The following FAM222B variants were observed in gnomAD, a reference collection of about 807,000 sequenced individuals.
FAM222B encodes the protein protein FAM222B.
FAM222B carries 12 observed loss-of-function variants against 38.0 expected under a neutral mutation model. The ratio of observed to expected loss-of-function variants is 0.32; its 90% CI spans 0.20 to 0.51. The LOEUF (loss-of-function observed/expected upper bound fraction) is 0.51. FAM222B is among the 20% of genes least tolerant of loss of function. The probability of loss-of-function intolerance (pLI) is 0.97; values close to 1 mark genes in which losing one functional copy is unlikely to be tolerated. For synonymous variants in FAM222B, 329 were observed against 317.2 expected (o/e 1.04, Z -0.40); for missense variants, 716 against 754.2 (o/e 0.95, Z 0.59).
intron 1 of FAM222B, among the ~76,000 whole-genome samples, chr17:28,768,288 G>C (rs940070149): frequency 9.2e-5 from 14 of 152,162 alleles, no homozygotes; most frequent in Non-Finnish European, 1.5e-4. Context: ...GCTCTCTCAG[G>C]TATATTAAAC....
At chr17:28,809,119 C>T (rs1373136397) in intron 1 of FAM222B, among the ~76,000 whole-genome samples, 3 of 152,064 alleles carry the variant, frequency 2.0e-5, no homozygotes, top group Admixed American at 6.6e-5. Context: ...TGTGGAAGGC[C>T]GAGGCAGGTG....
In FAM222B at chr17:28,814,939, A is replaced by C. The variant is rs1365756338; in HGVS notation, c.-41+27743T>G. On this transcript the variant is annotated intron_variant, in intron 1 of 2. Coordinates refer to ENST00000581407, the MANE Select transcript of FAM222B (RefSeq NM_001077498.3). Reference sequence around the variant, plus strand: ...CAGGCACGAGCCACCGTGCCCGGCTAATTTTTGTATTTTTAGTAGAAACGG... The same window carrying C: ...CAGGCACGAGCCACCGTGCCCGGCTCATTTTTGTATTTTTAGTAGAAACGG... Among the ~76,000 whole-genome samples, 5 of 148,276 alleles carry C rather than the reference A, an allele frequency of 3.4e-5. No homozygotes were observed. In the East Asian group the frequency reaches 8.1e-4, roughly 24 times the overall value.
At chr17:28,792,319 A>G (rs911306459) in intron 1 of FAM222B, among the ~76,000 whole-genome samples, 78 of 151,464 alleles carry the variant, frequency 5.1e-4, no homozygotes, top group Non-Finnish European at 9.0e-4. Flanking sequence ...CTCAAAAAAA[A>G]AAAAAAAAAA....
intron 1 of FAM222B, among the ~76,000 whole-genome samples, chr17:28,776,404 C>A (rs1409755231): frequency 1.4e-5 from 2 of 147,434 alleles, no homozygotes; most frequent in Non-Finnish European, 1.5e-5. Context: ...AAGTCATTGC[C>A]AATATCTGAT....
At chr17:28,854,360 G>A (rs1438559543) in intron 1 of FAM222B, among the ~76,000 whole-genome samples, 2 of 152,178 alleles carry the variant, frequency 1.3e-5, no homozygotes, top group Admixed American at 1.3e-4. Context: ...ACCTTAGGTG[G>A]CTAAGCCACT....
At chr17:28,778,708 TA>T (rs2036017339) in intron 1 of FAM222B, among the ~76,000 whole-genome samples, 10 of 82,844 alleles carry the variant, frequency 1.2e-4, no homozygotes, top group East Asian at 3.0e-4. Context: ...TATATATATA[TA>T]TATATATATA....
At chr17:28,798,069 A>G in intron 1 of FAM222B, among the ~76,000 whole-genome samples, 1 of 151,984 alleles carries the variant, frequency 6.6e-6, no homozygotes, top group East Asian at 1.9e-4. Context: ...CCACACAAAA[A>G]GAGTAATAAA....
At chr17:28,820,371 G>A (rs1567884372) in intron 1 of FAM222B, among the ~76,000 whole-genome samples, 2 of 152,162 alleles carry the variant, frequency 1.3e-5, no homozygotes, top group Non-Finnish European at 2.9e-5. Context: ...TGTTAGTTTT[G>A]TCTAAAATGG....
chr17:28,778,007 CTTTT>C (rs34833861), intron 1 of FAM222B, among the ~76,000 whole-genome samples: 5 of 106,632 alleles, frequency 4.7e-5, no homozygotes, highest in East Asian at 2.8e-4. Flanking sequence ...CCAGGCTGGA[CTTTT>C]TTTTTTTTTT....
intron 1 of FAM222B, among the ~76,000 whole-genome samples, chr17:28,791,518 A>C (rs1437001249): frequency 6.6e-6 from 1 of 151,732 alleles, no homozygotes; most frequent in East Asian, 1.9e-4. Flanking sequence ...GCATTCATGG[A>C]CTCCCTTATT....
At chr17:28,765,017 C>T (rs990676155) in intron 2 of FAM222B, among the ~76,000 whole-genome samples, 10 of 152,168 alleles carry the variant, frequency 6.6e-5, no homozygotes, top group South Asian at 6.2e-4. Flanking sequence ...GAGAGTATAA[C>T]ATAACACCTT....
intron 1 of FAM222B, among the ~76,000 whole-genome samples, chr17:28,783,137 C>CAAA (rs74267063): frequency 8.9e-5 from 5 of 56,356 alleles, no homozygotes; most frequent in Non-Finnish European, 1.1e-4. Context: ...GACCCTGTCT[C>CAAA]AAAAAAAAAA....
chr17:28,842,515 G>A (rs1351348750), intron 1 of FAM222B, among the ~76,000 whole-genome samples, 167 bp downstream of exon 1: 1 of 152,106 alleles, frequency 6.6e-6, no homozygotes, highest in Non-Finnish European at 1.5e-5. Flanking sequence ...TCTGCGGCCG[G>A]CGACCGGGCC....
chr17:28,760,001 A>C (rs956701911), intron 2 of FAM222B, 125 bp from the exon 3 acceptor site: 1 of 926,946 alleles, frequency 1.1e-6, no homozygotes, highest in Non-Finnish European at 1.6e-6. Context: ...CTAGATTGTC[A>C]TCTGTAGCCT....
At chr17:28,812,656 G>C (rs1022153178) in intron 1 of FAM222B, among the ~76,000 whole-genome samples, 1 of 151,992 alleles carries the variant, frequency 6.6e-6, no homozygotes, top group African/African-American at 2.4e-5. Context: ...TGTTAGCGCT[G>C]CCCCCATCTC....
chr17:28,839,319 A>C (rs928105783), intron 1 of FAM222B, among the ~76,000 whole-genome samples: 9 of 152,160 alleles, frequency 5.9e-5, no homozygotes, highest in African/African-American at 2.2e-4. Flanking sequence ...CCACTTTAGA[A>C]AAACTTCTCA....
upstream of FAM222B, among the ~76,000 whole-genome samples, chr17:28,847,560 C>T (rs906682010): frequency 6.6e-6 from 1 of 151,966 alleles, no homozygotes; most frequent in African/African-American, 2.4e-5. Context: ...TGCCACTGCA[C>T]TGCAGCCTGG....
At chr17:28,809,668 A>G (rs887547930) in intron 1 of FAM222B, among the ~76,000 whole-genome samples, 2 of 152,156 alleles carry the variant, frequency 1.3e-5, no homozygotes, top group African/African-American at 2.4e-5. Flanking sequence ...CACACAAATC[A>G]GTCAAAAAAA....
intron 1 of FAM222B, among the ~76,000 whole-genome samples, chr17:28,767,779 C>G (rs1004388081): frequency 6.6e-6 from 1 of 152,108 alleles, no homozygotes. Context: ...CCCGGCCGAA[C>G]TCACTTTTAA....
Sources: allele counts gnomAD v4.1 joint callset (sites outside exome capture counted in the v4.1 genomes callset), GRCh38; gene constraint gnomAD v4.1.1; transcripts MANE v1.5; gene names NCBI Gene and HGNC (gene_info 2026-07-23, HGNC 2026-07-21).